LHFPL2: variants seen among roughly 807,000 people sequenced by gnomAD.
The protein encoded by LHFPL2 is LHFPL tetraspan subfamily member 2.
LHFPL2 carries 7 observed loss-of-function variants against 17.5 expected under a neutral mutation model. The ratio of observed to expected loss-of-function variants is 0.40; its 90% CI spans 0.23 to 0.75. LHFPL2 has a LOEUF of 0.75. Ranked by LOEUF, LHFPL2 falls within the 30% of genes least tolerant of loss-of-function variation. The probability of loss-of-function intolerance (pLI) is 0.37; values close to 1 mark genes in which losing one functional copy is unlikely to be tolerated. For missense variants in LHFPL2, 241 were observed against 294.8 expected (o/e 0.82, Z 1.34); for synonymous variants, 134 against 116.2 (o/e 1.15, Z -0.99).
intron 3 of LHFPL2, among the ~76,000 whole-genome samples, chr5:78,532,927 G>A (rs551026479): frequency 1.3e-5 from 2 of 152,336 alleles, no homozygotes; most frequent in African/African-American, 2.4e-5. Context: ...CCTGCTGCAC[G>A]TGGACAAAGG....
At chr5:78,536,414 T>C (rs1374618637) in intron 3 of LHFPL2, among the ~76,000 whole-genome samples, 1 of 152,176 alleles carries the variant, frequency 6.6e-6, no homozygotes, top group Non-Finnish European at 1.5e-5. Context: ...AGTTCTGGCC[T>C]TTTTCTCTCC....
At chr5:78,588,311 C>T (rs1476855744) in intron 2 of LHFPL2, among the ~76,000 whole-genome samples, 2 of 152,218 alleles carry the variant, frequency 1.3e-5, no homozygotes, top group African/African-American at 4.8e-5. Context: ...ATTACGAATA[C>T]AGGTGCATGA....
In LHFPL2 at chr5:78,489,005, G is replaced by C. The variant is rs1561300829; in HGVS notation, c.579C>G (p.Val193=). The C allele has an allele frequency of 6.2e-7, 1 of 1,614,194 alleles. No homozygotes were observed. The highest frequency in any genetic ancestry group is 8.5e-7 in the Non-Finnish European group (1 of 1,180,030). ...AGAAGACAGCACAGATGAAAGTGAG[G>C]ACTGTGCCCCCAATGGCGGTATAAA... ...WAFYTAIGGT[V]LTFICAVFSA... Residue 193 remains valine, a synonymous_variant, in exon 5 of 5, where the codon GTC becomes GTG. Transcript: ENST00000380345.
chr5:78,573,344 C>A (rs1757051311), intron 2 of LHFPL2, among the ~76,000 whole-genome samples: 1 of 152,148 alleles, frequency 6.6e-6, no homozygotes, highest in Admixed American at 6.5e-5. Flanking sequence ...ATGTAAAGGT[C>A]CAATTTTAAG....
In LHFPL2 at chr5:78,592,913, A is replaced by G. The variant is rs1259309300; in HGVS notation, c.-244-28042T>C. On this transcript the variant is annotated intron_variant, in intron 2 of 4. Coordinates refer to ENST00000380345, the MANE Select transcript of LHFPL2 (RefSeq NM_005779.3). ...TACAGAGTTTCAGTTTTGCAAGATA[A>G]AAGAGTTCTGGAGCTGGTGGTGATG... Among the ~76,000 whole-genome samples the G allele has an allele frequency of 3.0e-4, 45 of 152,206 alleles. 1 individual carries two copies. The highest frequency in any genetic ancestry group is 2.9e-5 in the Non-Finnish European group (2 of 68,036).
At chr5:78,501,932 T>C (rs1404692515) in intron 4 of LHFPL2, among the ~76,000 whole-genome samples, 2 of 152,132 alleles carry the variant, frequency 1.3e-5, no homozygotes, top group Non-Finnish European at 2.9e-5. Flanking sequence ...TTAGAAGCTT[T>C]AACCAGTAAG....
At chr5:78,501,474 C>A (rs146501249) in intron 4 of LHFPL2, among the ~76,000 whole-genome samples, 61 of 152,222 alleles carry the variant, frequency 4.0e-4, no homozygotes, top group African/African-American at 1.4e-3. Context: ...CGTTAAGATG[C>A]GGACCCCTTT....
chr5:78,602,421 T>G (rs75956293), intron 2 of LHFPL2, among the ~76,000 whole-genome samples: 1 of 152,156 alleles, frequency 6.6e-6, no homozygotes, highest in Non-Finnish European at 1.5e-5. Flanking sequence ...GAAAGAAACA[T>G]ATCCTTCTCA....
At chr5:78,629,167 G>C (rs944020575) in intron 2 of LHFPL2, among the ~76,000 whole-genome samples, 1 of 152,242 alleles carries the variant, frequency 6.6e-6, no homozygotes, top group Middle Eastern at 3.4e-3. Context: ...TCTTAAAAAG[G>C]CCCATAGTGT....
At chr5:78,605,446 CA>C (rs1490700110) in intron 2 of LHFPL2, among the ~76,000 whole-genome samples, 1 of 152,142 alleles carries the variant, frequency 6.6e-6, no homozygotes, top group Non-Finnish European at 1.5e-5. Flanking sequence ...TCTGTGCCAC[CA>C]TAGGCTGACA....
chr5:78,518,254 A>G (rs1406138741), intron 3 of LHFPL2, among the ~76,000 whole-genome samples: 1 of 152,224 alleles, frequency 6.6e-6, no homozygotes, highest in African/African-American at 2.4e-5. Flanking sequence ...TCTTCTCAGG[A>G]TAATAAGAGA....
rs1754236832 is a variant in LHFPL2 at position 78,486,269 on chromosome 5, A to G, written c.*2628T>C. 1.3e-5 allele frequency: 2 copies of G among 152,490 alleles called. No individual in the cohort carries two copies. Among genetic ancestry groups the G allele is most frequent in the South Asian group, 2.1e-4 (1 of 4,834 alleles). 9.4% of individuals were successfully genotyped at this position (152,490 alleles called of 1,614,324 possible). ...AAAGAATCCACAGAATCCAAGGCAA[A>G]TATTTCTGCCTCAGAGTTCATTGAG... is the stretch of plus-strand genomic sequence containing the variant. On this transcript the variant is annotated 3_prime_UTR_variant, in exon 5 of 5. Transcript: ENST00000380345.
chr5:78,502,712 CT>C (rs2112308358), intron 4 of LHFPL2, among the ~76,000 whole-genome samples: 1 of 52,668 alleles, frequency 1.9e-5, no homozygotes, highest in Admixed American at 1.2e-4. Flanking sequence ...AACATAGTTA[CT>C]AAAGCTATGG....
chr5:78,575,946 C>T (rs554004470), intron 2 of LHFPL2, among the ~76,000 whole-genome samples: 7 of 152,270 alleles, frequency 4.6e-5, no homozygotes, highest in Admixed American at 2.0e-4. Flanking sequence ...TATGCTGGAG[C>T]GCAGTGGCCT....
intron 2 of LHFPL2, among the ~76,000 whole-genome samples, chr5:78,576,149 T>A (rs977711083): frequency 1.3e-5 from 2 of 151,964 alleles, no homozygotes; most frequent in Non-Finnish European, 2.9e-5. Context: ...CAAAAAATTC[T>A]CCGGGCGTGG....
At chr5:78,496,881 C>G (rs1754624265) in intron 4 of LHFPL2, among the ~76,000 whole-genome samples, 1 of 152,096 alleles carries the variant, frequency 6.6e-6, no homozygotes, top group Non-Finnish European at 1.5e-5. Context: ...CTCCTTGGTC[C>G]TCTTCCCTAT....
intron 1 of LHFPL2, among the ~76,000 whole-genome samples, chr5:78,647,535 A>G (rs1336798907): frequency 6.6e-6 from 1 of 152,106 alleles, no homozygotes; most frequent in African/African-American, 2.4e-5. Flanking sequence ...GCAATTTCAA[A>G]GAGTTCTCCT....
chr5:78,526,823 C>T (rs978412238), intron 3 of LHFPL2, among the ~76,000 whole-genome samples: 2 of 152,178 alleles, frequency 1.3e-5, no homozygotes, highest in South Asian at 4.1e-4. Context: ...GAAGGCTACA[C>T]AGCACCCTCC....
At chr5:78,523,616 A>G (rs1007204261) in intron 3 of LHFPL2, among the ~76,000 whole-genome samples, 13 of 152,210 alleles carry the variant, frequency 8.5e-5, no homozygotes, top group African/African-American at 2.9e-4. Flanking sequence ...GCGAGGACAG[A>G]ATGAGGGTGG....
Sources: allele counts gnomAD v4.1 joint callset (sites outside exome capture counted in the v4.1 genomes callset), GRCh38; gene constraint gnomAD v4.1.1; transcripts MANE v1.5; gene names NCBI Gene and HGNC (gene_info 2026-07-23, HGNC 2026-07-21).